DSG1: variants seen among roughly 807,000 people sequenced by gnomAD.
DSG1 encodes desmoglein-1.
DSG1 carries 39 observed loss-of-function variants against 97.5 expected under a neutral mutation model. The ratio of observed to expected loss-of-function variants is 0.40; its 90% CI spans 0.31 to 0.52. The LOEUF is 0.52. DSG1 is among the 20% of genes least tolerant of loss of function. The probability of loss-of-function intolerance (pLI) is 0.53; values close to 1 mark genes in which losing one functional copy is unlikely to be tolerated. For synonymous variants in DSG1, 475 were observed against 443.4 expected, an observed-to-expected ratio of 1.07 and a Z score of -0.90; for missense variants, 1,311 against 1,295.4, an observed-to-expected ratio of 1.01 and a Z score of -0.18.
intron 1 of DSG1, among the ~76,000 whole-genome samples, chr18:31,321,396 G>C (rs997346829): frequency 6.6e-6 from 1 of 152,020 alleles, no homozygotes; most frequent in Non-Finnish European, 1.5e-5. Context: ...TTTCTTGAGC[G>C]TGTATTATAG....
At chr18:31,318,769 T>C (rs1406142198) in intron 1 of DSG1, among the ~76,000 whole-genome samples, 1 of 152,108 alleles carries the variant, frequency 6.6e-6, no homozygotes, top group Non-Finnish European at 1.5e-5. Flanking sequence ...ATTACTCTAA[T>C]TTTTAAAACA....
rs774455346 is a variant in DSG1 at position 31,354,549 on chromosome 18, C to T, written c.2353C>T (p.Leu785Phe). 8.1e-6 allele frequency: 13 copies of T among 1,614,194 alleles called. No homozygotes were observed. The highest frequency in any genetic ancestry group is 8.5e-7 in the Non-Finnish European group (1 of 1,180,026). Residue 785 changes from leucine to phenylalanine, a missense_variant, in exon 15 of 15, where the codon CTT (leucine) becomes TTT (phenylalanine). This residue lies in a region of DSG1 where 1,038 missense variants were observed against 964.6 expected (regional missense o/e 1.08). Coordinates refer to ENST00000257192, the MANE Select transcript of DSG1 (RefSeq NM_001942.4). The stretch of plus-strand genomic sequence containing the variant: ...ACCACAAAGCACTGAACCAGTTTGC[C>T]TTCCTCAGGAAACAGAGCCCGTTGT... The part of the protein sequence containing the change: ...WPPQSTEPVC[L>F]PQETEPVVSG...
intron 7 of DSG1, 115 bp from the exon 8 acceptor site, chr18:31,333,902 G>GA: frequency 8.9e-7 from 1 of 1,127,728 alleles, no homozygotes; most frequent in East Asian, 2.4e-5. Flanking sequence ...AAAATGAGAT[G>GA]AAAACCACAG....
At chr18:31,341,974 C>T (rs143897004) in intron 11 of DSG1, among the ~76,000 whole-genome samples, 133 of 151,642 alleles carry the variant, frequency 8.8e-4, no homozygotes, top group African/African-American at 3.2e-3. Flanking sequence ...CTCACTCTCA[C>T]CCAGGCTGGA....
At chr18:31,320,025 A>C (rs997940352) in intron 1 of DSG1, among the ~76,000 whole-genome samples, 1 of 152,110 alleles carries the variant, frequency 6.6e-6, no homozygotes, top group Non-Finnish European at 1.5e-5. Flanking sequence ...AACTTACACT[A>C]TCATGAATTA....
intron 5 of DSG1, 114 bp downstream of exon 5, chr18:31,330,150 A>G (rs556121705): frequency 9.9e-6 from 13 of 1,308,718 alleles, no homozygotes; most frequent in Non-Finnish European, 1.3e-5. Flanking sequence ...GAAAAGATGC[A>G]GAATAGCAAG....
In DSG1 at chr18:31,358,536, G is replaced by C. The variant is rs1405980725; in HGVS notation, c.*3190G>C. Among the ~76,000 whole-genome samples, 1 of 151,898 alleles carries C rather than the reference G, an allele frequency of 6.6e-6. No homozygotes were observed. The highest frequency in any genetic ancestry group is 2.1e-4 in the South Asian group (1 of 4,820). ...TTCAAAAATTACATTTTTTACTCTAGTAAGTAGATGTTTTTAGTTATCTGG... is the reference window on the plus strand; with the variant it reads ...TTCAAAAATTACATTTTTTACTCTACTAAGTAGATGTTTTTAGTTATCTGG... On this transcript the variant is annotated 3_prime_UTR_variant, in exon 15 of 15. Coordinates refer to ENST00000257192, the MANE Select transcript of DSG1 (RefSeq NM_001942.4).
intron 8 of DSG1, among the ~76,000 whole-genome samples, chr18:31,336,025 G>C (rs1357782925): frequency 6.6e-6 from 1 of 151,822 alleles, no homozygotes; most frequent in African/African-American, 2.4e-5. Flanking sequence ...TTGAAGGTAG[G>C]ATAAATTGTC....
intron 11 of DSG1, among the ~76,000 whole-genome samples, chr18:31,341,665 A>C (rs560182119): frequency 6.6e-6 from 1 of 152,340 alleles, no homozygotes; most frequent in African/African-American, 2.4e-5. Flanking sequence ...AAAGAGAGAA[A>C]GAAAAAAGCA....
Position 31,334,150 on chromosome 18 carries a change from T to G in DSG1, c.953T>G (p.Phe318Cys). 2 of 1,609,392 alleles carry G rather than the reference T, an allele frequency of 1.2e-6. No homozygotes were observed. The highest frequency in any genetic ancestry group is 1.7e-6 in the Non-Finnish European group (2 of 1,176,014). ...ATCTCTGGAAATGAAGGAAATTGGT[T>G]TGAGATAGAAATGAATGAAAGAACA... Reference protein sequence around the residue: ...FFISGNEGNWFEIEMNERTNV... With the variant: ...FFISGNEGNWCEIEMNERTNV... The change falls in exon 8 of 15, where the codon TTT (phenylalanine) becomes TGT (cysteine). Residue 318 changes from phenylalanine (F) to cysteine (C), a missense_variant. Coordinates refer to ENST00000257192, the MANE Select transcript of DSG1 (RefSeq NM_001942.4).
At chr18:31,335,855 A>T (rs1019783105) in intron 8 of DSG1, among the ~76,000 whole-genome samples, 44 of 150,420 alleles carry the variant, frequency 2.9e-4, no homozygotes, top group African/African-American at 1.0e-3. Context: ...TTATATATAT[A>T]TTACATTATA....
intron 9 of DSG1, 65 bp from the exon 10 acceptor site, chr18:31,338,250 T>G: frequency 6.6e-7 from 1 of 1,509,374 alleles, no homozygotes; most frequent in Non-Finnish European, 9.1e-7. Context: ...AACAATACAT[T>G]TTAAATTAAA....
At position 31,347,831 on chromosome 18, in the gene DSG1, G is replaced by T. The variant is rs28475093; in HGVS notation, c.2100+1633G>T. The T allele has an allele frequency of 2.6e-5, 4 of 152,120 alleles. No homozygotes were observed. The South Asian group carries it at 8.3e-4, about 32-fold the overall frequency. 9.4% of individuals were successfully genotyped at this position (152,120 alleles called of 1,614,324 possible). On this transcript the variant is annotated intron_variant, in intron 14 of 14. Transcript: ENST00000257192. Reference sequence around the variant, plus strand: ...TCATATTCACTCCATCTGAAGGAAAGAAACAAAATCCTGAGTGAACCCAAC... The same window carrying T: ...TCATATTCACTCCATCTGAAGGAAATAAACAAAATCCTGAGTGAACCCAAC...
intron 3 of DSG1, among the ~76,000 whole-genome samples, 183 bp from the exon 4 acceptor site, chr18:31,328,006 T>A (rs1330274466): frequency 1.3e-5 from 2 of 152,192 alleles, no homozygotes; most frequent in Admixed American, 1.3e-4. Flanking sequence ...GATTACATTG[T>A]CAGTTACCAT....
intron 1 of DSG1, among the ~76,000 whole-genome samples, chr18:31,323,702 G>T (rs1174769116): frequency 1.3e-5 from 2 of 151,960 alleles, no homozygotes; most frequent in African/African-American, 4.8e-5. Flanking sequence ...TTGAAAAAGT[G>T]ACCATCTTTA....
At position 31,354,764 on chromosome 18, in the gene DSG1, C is replaced by T. The variant is rs868684063; in HGVS notation, c.2568C>T (p.Asn856=). 1 of 1,614,176 alleles carries T rather than the reference C, an allele frequency of 6.2e-7. No homozygotes were observed. Among genetic ancestry groups the T allele is most frequent in the Middle Eastern group, 1.6e-4 (1 of 6,062 alleles). The stretch of plus-strand genomic sequence containing the variant: ...AGCCCTCTGTGCACGTTCACGATAA[C>T]CGACCAGCATCAAACGTGGTAGTGA... The part of the protein sequence containing the change: ...TLKPSVHVHD[N]RPASNVVVTE... Residue 856 remains asparagine (N), a synonymous_variant, in exon 15 of 15, where the codon AAC becomes AAT. Transcript: ENST00000257192.
At chr18:31,339,664 G>A (rs2071775770) in intron 10 of DSG1, 80 bp from the exon 11 acceptor site, 1 of 1,112,884 alleles carries the variant, frequency 9.0e-7, no homozygotes, top group Non-Finnish European at 1.3e-6. Context: ...AAATGTTAAT[G>A]TAAAAAATAA....
chr18:31,328,193 A>G lies in DSG1; in HGVS notation c.221A>G (p.His74Arg), dbSNP rs149439494. 1.2e-6 allele frequency: 2 copies of G among 1,613,136 alleles called. No individual in the cohort carries two copies. Among genetic ancestry groups the G allele is most frequent in the African/African-American group, 2.7e-5 (2 of 74,866 alleles). ...TTACTTGTGTTCCTTCTGCAGATTC[A>G]CTCAGATTGTGCTGCAAACCAGCAA... ...NSKRNPIAKI[H>R]SDCAANQQVT... Residue 74 changes from histidine (H) to arginine (R), a missense_variant, in exon 4 of 15, where the codon CAC becomes CGC. By Grantham distance (29) the His-to-Arg change is conservative. This residue lies in a region of DSG1 where 259 missense variants were observed against 304.1 expected (regional missense o/e 0.85). Coordinates refer to ENST00000257192, the MANE Select transcript of DSG1 (RefSeq NM_001942.4).
intron 8 of DSG1, among the ~76,000 whole-genome samples, chr18:31,335,127 G>A (rs1463098443): frequency 6.6e-6 from 1 of 152,082 alleles, no homozygotes; most frequent in African/African-American, 2.4e-5. Context: ...CATGCCTACA[G>A]CTTGTATTTA....
Sources: gnomAD v4.1 joint callset for allele counts (sites outside exome capture counted in the v4.1 genomes callset) on GRCh38, gnomAD v4.1.1 for gene constraint, gnomAD v4.1.1 regional missense constraint, MANE v1.5 for transcripts, NCBI Gene and HGNC (gene_info 2026-07-23, HGNC 2026-07-21) for gene names.